Variants in RAD54L2 observed in about 807,000 individuals in gnomAD.
The protein encoded by RAD54L2 is helicase ARIP4.
In RAD54L2, 27 loss-of-function variants were observed where a neutral mutation model predicts 138.4. The observed-to-expected ratio is 0.20, with a 90% CI of 0.14 to 0.27. The LOEUF (loss-of-function observed/expected upper bound fraction) is 0.27. Among genes scored for constraint, RAD54L2 ranks in the 10% least tolerant of loss-of-function variants. RAD54L2 has a pLI of 1.00. For synonymous variants in RAD54L2, 644 were observed against 723.2 expected, an observed-to-expected ratio of 0.89 and a Z score of 1.76; for missense variants, 1,396 against 1,890.2, an observed-to-expected ratio of 0.74 and a Z score of 4.85.
intron 3 of RAD54L2, among the ~76,000 whole-genome samples, chr3:51,604,329 T>G (rs990540841): frequency 6.6e-6 from 1 of 152,154 alleles, no homozygotes; most frequent in Non-Finnish European, 1.5e-5. Context: ...TCAAGGTTCA[T>G]CCCCCTCTGC....
At chr3:51,607,776 C>A (rs545284436) in intron 3 of RAD54L2, among the ~76,000 whole-genome samples, 105 of 140,094 alleles carry the variant, frequency 7.5e-4, no homozygotes, top group South Asian at 3.5e-3. Context: ...GAGGGGCCCC[C>A]CACCTCCCAG....
At chr3:51,656,773 A>G (rs967660262) in intron 20 of RAD54L2, among the ~76,000 whole-genome samples, 2 of 151,566 alleles carry the variant, frequency 1.3e-5, no homozygotes, top group African/African-American at 4.8e-5. Flanking sequence ...TTTTGGAGAC[A>G]GAGTCTTGCT....
At chr3:51,581,588 A>G (rs1275867002) in intron 2 of RAD54L2, among the ~76,000 whole-genome samples, 1 of 152,176 alleles carries the variant, frequency 6.6e-6, no homozygotes, top group East Asian at 1.9e-4. Flanking sequence ...CTCTGTGCGC[A>G]GCTTGTATCG....
At chr3:51,595,092 A>G (rs1045145894) in intron 3 of RAD54L2, among the ~76,000 whole-genome samples, 1 of 151,782 alleles carries the variant, frequency 6.6e-6, no homozygotes, top group Admixed American at 6.6e-5. Context: ...TCTCAAACAC[A>G]TGAACTCAAT....
At chr3:51,556,856 G>A (rs1202327285) in intron 2 of RAD54L2, among the ~76,000 whole-genome samples, 2 of 152,180 alleles carry the variant, frequency 1.3e-5, no homozygotes. Context: ...GATTACAGGC[G>A]TGAGCCACTG....
intron 3 of RAD54L2, among the ~76,000 whole-genome samples, chr3:51,625,341 C>T (rs1361456952): frequency 1.3e-5 from 2 of 152,112 alleles, no homozygotes; most frequent in Non-Finnish European, 2.9e-5. Context: ...TCGCTTGAAC[C>T]CGGGAGGCGG....
intron 19 of RAD54L2, among the ~76,000 whole-genome samples, chr3:51,655,095 A>T (rs1701562373): frequency 6.6e-6 from 1 of 152,194 alleles, no homozygotes; most frequent in Admixed American, 6.5e-5. Flanking sequence ...AAAACCTAAG[A>T]GCAATGTGAT....
chr3:51,581,936 T>G (rs567725987), intron 2 of RAD54L2, among the ~76,000 whole-genome samples: 1 of 152,058 alleles, frequency 6.6e-6, no homozygotes, highest in East Asian at 1.9e-4. Flanking sequence ...TTTCTTTTTT[T>G]TTTTTTTGAG....
At chr3:51,656,835 A>G (rs1701612729) in intron 20 of RAD54L2, among the ~76,000 whole-genome samples, 1 of 151,870 alleles carries the variant, frequency 6.6e-6, no homozygotes, top group Non-Finnish European at 1.5e-5. Context: ...TCCTGGGCTC[A>G]AGCGATTCTC....
intron 19 of RAD54L2, among the ~76,000 whole-genome samples, chr3:51,652,957 C>T (rs186885099): frequency 3.9e-4 from 59 of 152,266 alleles, no homozygotes; most frequent in African/African-American, 1.4e-3. Flanking sequence ...AGAGATTCTG[C>T]ACAGCAAAAG....
chr3:51,652,011 A>G (rs1028057035), intron 19 of RAD54L2, among the ~76,000 whole-genome samples: 23 of 152,226 alleles, frequency 1.5e-4, no homozygotes, highest in Admixed American at 9.2e-4. Flanking sequence ...CTATTTGCAG[A>G]TGACATGATT....
Position 51,538,864 on chromosome 3 carries a change from A to G in RAD54L2, c.-168A>G, listed in dbSNP as rs1046274971. Among the ~76,000 whole-genome samples the G allele has an allele frequency of 4.0e-5, 6 of 151,892 alleles. No homozygotes were observed. The highest frequency in any genetic ancestry group is 6.6e-5 in the Admixed American group (1 of 15,258). ...GCCTAGGCGGGCGAAGCTGAACGTGAGGTCCCTCGGCCCTGCGCGGTCCGG... is the reference window on the plus strand; with the variant it reads ...GCCTAGGCGGGCGAAGCTGAACGTGGGGTCCCTCGGCCCTGCGCGGTCCGG... On this transcript the variant is annotated 5_prime_UTR_variant, in exon 1 of 23. Transcript: ENST00000684192.
chr3:51,546,415 C>T (rs568868563), intron 2 of RAD54L2, among the ~76,000 whole-genome samples: 15 of 150,692 alleles, frequency 1.0e-4, no homozygotes, highest in South Asian at 6.4e-4. Context: ...CTGAGGCGGG[C>T]GGATCACCTG....
rs1052391949 is a variant in RAD54L2, at chr3:51,629,587, G to A, written c.481+114G>A. 1.2e-5 allele frequency: 16 copies of A among 1,325,044 alleles called. No individual in the cohort carries two copies. The African/African-American group carries it at 2.1e-4, about 17-fold the overall frequency. The allele number at this position is 1,325,044 out of a possible 1,614,324, so 82.1% of individuals were successfully genotyped here. A position where few individuals can be genotyped will look rare whatever the true frequency, so the allele number is the denominator to read the frequency against. On this transcript the variant is annotated intron_variant, in intron 5 of 22. Coordinates refer to ENST00000684192, the MANE Select transcript of RAD54L2 (RefSeq NM_015106.4). Reference sequence around the variant, plus strand: ...AGACTGTGGCCTCTCGGCTGGGCGCGGTGGCTCACGCCTGTAATCCCAGCA... The same window carrying A: ...AGACTGTGGCCTCTCGGCTGGGCGCAGTGGCTCACGCCTGTAATCCCAGCA...
At chr3:51,626,691 C>A (rs373634309) in intron 3 of RAD54L2, among the ~76,000 whole-genome samples, 22 of 151,708 alleles carry the variant, frequency 1.5e-4, no homozygotes, top group African/African-American at 5.3e-4. Flanking sequence ...GTGATCCTCC[C>A]GCCTCAGCCT....
intron 2 of RAD54L2, among the ~76,000 whole-genome samples, chr3:51,576,590 C>G (rs1379742920): frequency 2.0e-5 from 3 of 151,996 alleles, no homozygotes; most frequent in African/African-American, 7.2e-5. Context: ...GTGGATGGGT[C>G]CGGGAATTTA....
Position 51,645,583 on chromosome 3 carries a change from CCTT to C in RAD54L2, c.2657-5_2657-3del, listed in dbSNP as rs1419808972. ...GTGCTGACTTTCTTCATGTCTTTAT[CCTT>C]CTAGATCGGGTGGTGGATGATCTAA... On this transcript the variant is annotated splice_region_variant and splice_polypyrimidine_tract_variant and intron_variant, in intron 17 of 22. Transcript: ENST00000684192. This position sits in a 1 kb window ranked among gnomAD's most constrained non-coding sequence, Gnocchi z 6.1. 36 of 1,603,304 alleles carry C rather than the reference CCTT, an allele frequency of 2.2e-5. No homozygotes were observed. Among genetic ancestry groups the C allele is most frequent in the Non-Finnish European group, 3.0e-5 (35 of 1,175,140 alleles).
rs1466408708 is a variant in RAD54L2 at position 51,656,120 on chromosome 3, A to G, written c.3176A>G (p.Asn1059Ser). Residue 1059 changes from asparagine to serine, a missense_variant, in exon 20 of 23, where the codon AAC becomes AGC. Asn to Ser is a conservative substitution (Grantham distance 46). Around this residue, in one of 7 missense-constraint regions of RAD54L2, gnomAD observed 634 missense variants for 711.2 expected, o/e 0.89. Coordinates refer to ENST00000684192, the MANE Select transcript of RAD54L2 (RefSeq NM_015106.4). ...STNPSMNFPI[N>S]YLQRAGVLVQ... is the part of the protein sequence containing the mutation. Reference sequence around the variant, plus strand: ...AATCCATCCATGAACTTTCCCATCAACTACTTGCAGCGTGCAGGAGTCCTT... The same window carrying G: ...AATCCATCCATGAACTTTCCCATCAGCTACTTGCAGCGTGCAGGAGTCCTT... The G allele has an allele frequency of 1.9e-6, 3 of 1,613,836 alleles. No homozygotes were observed. The highest frequency in any genetic ancestry group is 1.7e-5 in the Admixed American group (1 of 60,002).
chr3:51,547,887 T>G (rs1334873767), intron 2 of RAD54L2, among the ~76,000 whole-genome samples: 1 of 152,062 alleles, frequency 6.6e-6, no homozygotes, highest in East Asian at 1.9e-4. Context: ...AATACTTTCT[T>G]TCTTTCTTTT....
Sources: gnomAD v4.1 joint callset for allele counts (sites outside exome capture counted in the v4.1 genomes callset) on GRCh38, gnomAD v4.1.1 for gene constraint, gnomAD v4.1.1 regional missense constraint, Gnocchi (gnomAD v3.1) non-coding constraint, MANE v1.5 for transcripts, NCBI Gene and HGNC (gene_info 2026-07-23, HGNC 2026-07-21) for gene names.